CRADD: variants seen among roughly 807,000 people sequenced by gnomAD.
The protein encoded by CRADD is death domain-containing protein CRADD.
In CRADD, 9 loss-of-function variants were observed where a neutral mutation model predicts 15.5. The observed-to-expected ratio is 0.58, with a 90% CI of 0.35 to 1.01. The LOEUF (loss-of-function observed/expected upper bound fraction) is 1.01. Ranked by LOEUF, CRADD falls within the 50% of genes least tolerant of loss-of-function variation. CRADD has a pLI of 0.02. For synonymous variants in CRADD, 118 were observed against 107.6 expected (o/e 1.10, Z -0.60); for missense variants, 227 against 250.3 (o/e 0.91, Z 0.63).
At chr12:93,719,143 TC>T (rs920118377) in intron 2 of CRADD, among the ~76,000 whole-genome samples, 2 of 152,194 alleles carry the variant, frequency 1.3e-5, no homozygotes, top group African/African-American at 4.8e-5. Context: ...TCCCTTCTAT[TC>T]CTAGTTTGAT....
At chr12:93,719,615 A>G (rs1036697554) in intron 2 of CRADD, among the ~76,000 whole-genome samples, 1 of 152,206 alleles carries the variant, frequency 6.6e-6, no homozygotes, top group Non-Finnish European at 1.5e-5. Flanking sequence ...ATTGATTCAA[A>G]TGTTTAATAG....
intron 2 of CRADD, among the ~76,000 whole-genome samples, chr12:93,799,630 C>T (rs1469612014): frequency 6.6e-6 from 1 of 152,152 alleles, no homozygotes; most frequent in East Asian, 1.9e-4. Context: ...GTTTAACAAA[C>T]TGAATCTTTG....
At chr12:93,771,731 A>T (rs1329385054) in intron 2 of CRADD, among the ~76,000 whole-genome samples, 2 of 152,216 alleles carry the variant, frequency 1.3e-5, no homozygotes, top group Non-Finnish European at 2.9e-5. Flanking sequence ...GAAGACAGAT[A>T]ATATAATTGC....
intron 2 of CRADD, among the ~76,000 whole-genome samples, chr12:93,890,954 A>T (rs1958571938): frequency 6.6e-6 from 1 of 151,584 alleles, no homozygotes; most frequent in South Asian, 2.1e-4. Context: ...TTGCCCTGTT[A>T]GCCAGGCTGG....
intron 2 of CRADD, among the ~76,000 whole-genome samples, chr12:93,763,450 TTC>T (rs930380881): frequency 6.6e-6 from 1 of 150,562 alleles, no homozygotes; most frequent in Non-Finnish European, 1.5e-5. Flanking sequence ...CAATATTTTC[TTC>T]TTTTTTTTTT....
intron 2 of CRADD, among the ~76,000 whole-genome samples, chr12:93,780,621 G>A (rs1410750984): frequency 1.3e-5 from 2 of 152,064 alleles, no homozygotes; most frequent in African/African-American, 2.4e-5. Context: ...TATATTGTAA[G>A]GCACATAAAC....
intron 2 of CRADD, chr12:93,790,823 A>T (rs1182645906): frequency 6.6e-6 from 1 of 152,008 alleles, no homozygotes; most frequent in Non-Finnish European, 1.5e-5. Context: ...ATTTCTTATG[A>T]GCATAATCAT....
chr12:93,798,001 A>G (rs972397754), intron 2 of CRADD, among the ~76,000 whole-genome samples: 1 of 152,196 alleles, frequency 6.6e-6, no homozygotes, highest in Non-Finnish European at 1.5e-5. Flanking sequence ...AAGAGAACCA[A>G]TAAGATTTTG....
At chr12:93,792,799 C>T (rs11830683) in intron 2 of CRADD, among the ~76,000 whole-genome samples, 13,312 of 152,142 alleles carry the variant, frequency 0.087, 891 homozygotes, top group African/African-American at 0.19. Context: ...AGTAGCAAAG[C>T]CTTGATTTGA....
chr12:93,695,970 A>G (rs566827932), intron 2 of CRADD, among the ~76,000 whole-genome samples: 11 of 152,340 alleles, frequency 7.2e-5, no homozygotes, highest in African/African-American at 2.6e-4. Flanking sequence ...AATGGCCAAC[A>G]GGTATATGAA....
rs1958208543 is a variant in CRADD, at chr12:93,850,620, A to C, written c.*349A>C. 1 of 930,994 alleles carries C rather than the reference A, an allele frequency of 1.1e-6. No homozygotes were observed. The highest frequency in any genetic ancestry group is 5.0e-5 in the South Asian group (1 of 20,124). 57.7% of individuals were successfully genotyped at this position (930,994 alleles called of 1,614,324 possible). ...ATCCATATATATATCTCATGTCATC[A>C]CATTACAGGCAGGTGTCTCATATGT... On this transcript the variant is annotated 3_prime_UTR_variant, in exon 3 of 3. Coordinates refer to ENST00000332896, the MANE Select transcript of CRADD (RefSeq NM_003805.5). This position sits in a 1 kb window ranked among gnomAD's most constrained non-coding sequence, Gnocchi z 4.0.
chr12:93,784,022 G>T (rs116173159), intron 2 of CRADD, among the ~76,000 whole-genome samples: 1,991 of 152,228 alleles, frequency 0.013, 45 homozygotes, highest in African/African-American at 0.045. Flanking sequence ...CTTGCTGCAG[G>T]GTGCACGGGG....
chr12:93,757,475 A>G (rs761607671), intron 2 of CRADD, among the ~76,000 whole-genome samples: 16 of 152,172 alleles, frequency 1.1e-4, no homozygotes, highest in Non-Finnish European at 1.8e-4. Context: ...ACTTTGTGAT[A>G]CCCACAAGCC....
chr12:93,822,866 A>T (rs1380553548), intron 2 of CRADD, among the ~76,000 whole-genome samples: 1 of 152,146 alleles, frequency 6.6e-6, no homozygotes, highest in Non-Finnish European at 1.5e-5. Context: ...GATAAATCAA[A>T]TTTTTTCTTT....
At chr12:93,741,841 TC>T (rs1025031271) in intron 2 of CRADD, among the ~76,000 whole-genome samples, 1 of 152,122 alleles carries the variant, frequency 6.6e-6, no homozygotes, top group East Asian at 1.9e-4. Flanking sequence ...AGACATTTTC[TC>T]CCCTGTAAAA....
At chr12:93,748,470 G>T (rs1008370351) in intron 2 of CRADD, among the ~76,000 whole-genome samples, 1 of 152,116 alleles carries the variant, frequency 6.6e-6, no homozygotes. Context: ...ACCACACCAG[G>T]CTAATTTTGT....
At chr12:93,783,800 G>A (rs969232738) in intron 2 of CRADD, among the ~76,000 whole-genome samples, 18 of 152,154 alleles carry the variant, frequency 1.2e-4, no homozygotes, top group Admixed American at 4.6e-4. Context: ...CCCTAAAAAT[G>A]TCAAAGCAAA....
chr12:93,845,804 A>G (rs931659809), intron 2 of CRADD, among the ~76,000 whole-genome samples: 1 of 152,218 alleles, frequency 6.6e-6, no homozygotes, highest in Non-Finnish European at 1.5e-5. Context: ...TGTACATAAC[A>G]TAGAATTTGC....
chr12:93,849,707 C>T (rs140231710), intron 2 of CRADD, among the ~76,000 whole-genome samples: 229 of 149,962 alleles, frequency 1.5e-3, no homozygotes, highest in African/African-American at 5.5e-3. Context: ...TGCCATTGCT[C>T]TCCAGCCTGG....
Sources: allele counts gnomAD v4.1 joint callset (sites outside exome capture counted in the v4.1 genomes callset), GRCh38; gene constraint gnomAD v4.1.1; non-coding constraint Gnocchi (gnomAD v3.1); transcripts MANE v1.5; gene names NCBI Gene and HGNC (gene_info 2026-07-23, HGNC 2026-07-21).